The following GPHN variants were observed in gnomAD, a reference collection of about 807,000 sequenced individuals.
The protein encoded by GPHN is gephyrin.
In GPHN, 17 loss-of-function variants were observed where a neutral mutation model predicts 95.5. That is an observed-to-expected ratio of 0.18 (90% CI 0.12 to 0.27). GPHN has a LOEUF of 0.27. Ranked by LOEUF, GPHN falls within the 10% of genes least tolerant of loss-of-function variation. The probability of loss-of-function intolerance (pLI) is 1.00; values close to 1 mark genes in which losing one functional copy is unlikely to be tolerated. For synonymous variants in GPHN, 320 were observed against 322.5 expected (o/e 0.99, Z 0.08); for missense variants, 660 against 978.1 (o/e 0.67, Z 4.34).
At chr14:66,664,903 C>G (rs2065859733) in intron 1 of GPHN, among the ~76,000 whole-genome samples, 2 of 149,026 alleles carry the variant, frequency 1.3e-5, no homozygotes, top group South Asian at 4.2e-4. Flanking sequence ...ATACACCCTA[C>G]CAAAAGTGAA....
chr14:67,428,848 GGA>G, the GPHN span, among the ~76,000 whole-genome samples: 3 of 152,190 alleles, frequency 2.0e-5, no homozygotes, highest in Admixed American at 6.5e-5. Flanking sequence ...GGGGCCTGCT[GGA>G]GAGAGAAGCA....
intron 1 of GPHN, among the ~76,000 whole-genome samples, chr14:66,555,454 A>G (rs1211869538): frequency 1.3e-5 from 2 of 152,114 alleles, no homozygotes; most frequent in African/African-American, 2.4e-5. Flanking sequence ...TGCTTAATAA[A>G]TATTTGTTGA....
At chr14:67,345,700 C>T in the GPHN span, 2 of 1,052,566 alleles carry the variant, frequency 1.9e-6, no homozygotes, top group South Asian at 2.6e-5. Flanking sequence ...TGACTCAAGA[C>T]CTGACTCTCC....
intron 9 of GPHN, among the ~76,000 whole-genome samples, chr14:66,983,748 GT>G (rs2070836707): frequency 6.6e-6 from 1 of 152,042 alleles, no homozygotes; most frequent in South Asian, 2.1e-4. Flanking sequence ...CATTGTTTAA[GT>G]TTCTATACTT....
At chr14:66,947,685 C>T (rs140982965) in intron 8 of GPHN, among the ~76,000 whole-genome samples, 1,780 of 152,288 alleles carry the variant, frequency 0.012, 15 homozygotes, top group Non-Finnish European at 0.018. Flanking sequence ...TGGCCAGGCA[C>T]AGTGGCTTAC....
the GPHN span, chr14:67,576,309 T>C: frequency 1.4e-6 from 1 of 726,654 alleles, no homozygotes; most frequent in Non-Finnish European, 2.3e-6. The surrounding 1 kb of genome is among the most constrained non-coding windows in gnomAD (Gnocchi z 4.0). Context: ...CACATGGGCT[T>C]GGTCCCTTCA....
At chr14:67,090,135 A>G (rs549636594) in intron 12 of GPHN, among the ~76,000 whole-genome samples, 1 of 152,268 alleles carries the variant, frequency 6.6e-6, no homozygotes, top group East Asian at 1.9e-4. Flanking sequence ...CATTGAAGAA[A>G]CATGTTTAAA....
the GPHN span, among the ~76,000 whole-genome samples, chr14:67,730,058 T>C: frequency 6.6e-6 from 1 of 152,230 alleles, no homozygotes; most frequent in African/African-American, 2.4e-5. Context: ...GGATAAGTGA[T>C]AATAGCTAAT....
intron 5 of GPHN, among the ~76,000 whole-genome samples, chr14:66,888,600 A>T (rs2064318449): frequency 6.6e-6 from 1 of 152,176 alleles, no homozygotes; most frequent in African/African-American, 2.4e-5. Context: ...ACATTAAAAA[A>T]ATGAGAAAAG....
chr14:67,457,634 A>C, the GPHN span, among the ~76,000 whole-genome samples: 1 of 152,224 alleles, frequency 6.6e-6, no homozygotes, highest in Non-Finnish European at 1.5e-5. Context: ...ACAAATGCCT[A>C]AAGAAGGAAG....
At chr14:67,474,654 C>A in the GPHN span, among the ~76,000 whole-genome samples, 1 of 152,168 alleles carries the variant, frequency 6.6e-6, no homozygotes, top group Non-Finnish European at 1.5e-5. Flanking sequence ...CACCACCAAC[C>A]ATCTCCAGAA....
the GPHN span, among the ~76,000 whole-genome samples, chr14:67,377,145 CT>C: frequency 6.6e-6 from 1 of 152,168 alleles, no homozygotes; most frequent in Non-Finnish European, 1.5e-5. Flanking sequence ...TGCCTTTTCT[CT>C]CTTATCCAAC....
At chr14:66,548,522 AT>A (rs1555340444) in intron 1 of GPHN, among the ~76,000 whole-genome samples, 2 of 152,190 alleles carry the variant, frequency 1.3e-5, no homozygotes, top group Non-Finnish European at 2.9e-5. Context: ...CTGTGTCCAT[AT>A]AATATGGTGA....
chr14:67,728,283 G>A, the GPHN span: 1 of 152,118 alleles, frequency 6.6e-6, no homozygotes, highest in Non-Finnish European at 1.5e-5. Flanking sequence ...TAATTGAGAG[G>A]TTTATGTGTG....
At chr14:66,865,587 C>T (rs2063193398) in intron 4 of GPHN, among the ~76,000 whole-genome samples, 1 of 151,980 alleles carries the variant, frequency 6.6e-6, no homozygotes, top group African/African-American at 2.4e-5. Flanking sequence ...TAGAAGCAAA[C>T]CTGATTAGGT....
rs1317632724 is a variant in GPHN at position 67,058,713 on chromosome 14, A to T, written c.1071A>T (p.Thr357=). 1.2e-6 allele frequency: 2 copies of T among 1,613,430 alleles called. No homozygotes were observed. Among genetic ancestry groups the T allele is most frequent in the East Asian group, 2.2e-5 (1 of 44,882 alleles). ...ATCGCATGTCTCCTTTTCCTCTGAC[A>T]TCTATGGACAAAGCCTTTATCACAG... is the stretch of plus-strand genomic sequence containing the variant. ...RRHRMSPFPL[T]SMDKAFITVL... The change falls in exon 11 of 23, where the codon ACA becomes ACT. Residue 357 remains threonine (T), a synonymous_variant. Coordinates refer to ENST00000478722, the MANE Select transcript of GPHN (RefSeq NM_020806.5).
chr14:67,576,369 T>A, the GPHN span: 4 of 1,350,078 alleles, frequency 3.0e-6, no homozygotes, highest in Non-Finnish European at 3.2e-6. This position sits in a 1 kb window ranked among gnomAD's most constrained non-coding sequence, Gnocchi z 4.0. Flanking sequence ...CCCGTCCCCA[T>A]CCGATGGCTT....
chr14:66,939,556 C>A (rs2153571752), intron 8 of GPHN, among the ~76,000 whole-genome samples: 1 of 152,138 alleles, frequency 6.6e-6, no homozygotes, highest in South Asian at 2.1e-4. Flanking sequence ...CAGGCCACCC[C>A]ACACGCAAGC....
chr14:67,299,717 G>A, the GPHN span, among the ~76,000 whole-genome samples: 18 of 152,158 alleles, frequency 1.2e-4, no homozygotes, highest in Non-Finnish European at 2.5e-4. Flanking sequence ...TAGGGCAGTG[G>A]GTAAACACGG....
Sources: gnomAD v4.1 joint callset for allele counts (sites outside exome capture counted in the v4.1 genomes callset) on GRCh38, gnomAD v4.1.1 for gene constraint, Gnocchi (gnomAD v3.1) non-coding constraint, MANE v1.5 for transcripts, NCBI Gene and HGNC (gene_info 2026-07-23, HGNC 2026-07-21) for gene names.